Variants in CFAP44 observed in about 807,000 individuals in gnomAD.
CFAP44 encodes the protein cilia- and flagella-associated protein 44.
A neutral mutation model predicts 216.2 loss-of-function variants in CFAP44; 134 were observed. That is an observed-to-expected ratio of 0.62 (90% CI 0.54 to 0.72). CFAP44 has a LOEUF of 0.72. Ranked by LOEUF, CFAP44 falls within the 30% of genes least tolerant of loss-of-function variation. CFAP44 has a pLI of 0.00. For missense variants in CFAP44, 2,035 were observed against 2,182.1 expected (o/e 0.93, Z 1.34); for synonymous variants, 700 against 727.6 (o/e 0.96, Z 0.61).
At chr3:113,416,892 T>A (rs1266127328) in intron 5 of CFAP44, among the ~76,000 whole-genome samples, 1 of 152,198 alleles carries the variant, frequency 6.6e-6, no homozygotes, top group Non-Finnish European at 1.5e-5. Flanking sequence ...GCTAGAACAA[T>A]GGTTCTCTAT....
intron 21 of CFAP44, 23 bp from the exon 22 acceptor site, chr3:113,358,898 A>T (rs771077793): frequency 1.8e-4 from 278 of 1,533,888 alleles, no homozygotes; most frequent in Non-Finnish European, 2.3e-4. Context: ...AGATCTGTTC[A>T]TCAAAATGGG....
chr3:113,380,904 T>A lies in CFAP44; in HGVS notation c.2047A>T (p.Ile683Phe), dbSNP rs776675459. 21 of 1,576,876 alleles carry A rather than the reference T, an allele frequency of 1.3e-5. No homozygotes were observed. In the South Asian group the frequency reaches 2.2e-4, roughly 16 times the overall value. Residue 683 changes from isoleucine (I) to phenylalanine (F), a missense_variant, in exon 16 of 35, where the codon ATT becomes TTT. Physicochemically the swap from Ile to Phe is conservative, Grantham distance 21. Around this residue, in one of 3 missense-constraint regions of CFAP44, gnomAD observed 1,883 missense variants for 2,023.7 expected, o/e 0.93. Coordinates refer to ENST00000393845, the MANE Select transcript of CFAP44 (RefSeq NM_001164496.2). ...GCTTCAGGAATATTCCATACCAGAA[T>A]CTTAGATTTGACACTTGAAAAATGG... Reference protein sequence around the residue: ...CFHFSSVKSKILRLIEIEKRE... With the variant: ...CFHFSSVKSKFLRLIEIEKRE...
At chr3:113,346,131 A>C (rs1383540324) in intron 22 of CFAP44, among the ~76,000 whole-genome samples, 1 of 152,238 alleles carries the variant, frequency 6.6e-6, no homozygotes, top group Non-Finnish European at 1.5e-5. Context: ...TAGCTAAAGG[A>C]TTGTAAATGC....
At chr3:113,410,353 G>A (rs1934427840) in intron 6 of CFAP44, among the ~76,000 whole-genome samples, 3 of 152,010 alleles carry the variant, frequency 2.0e-5, no homozygotes, top group African/African-American at 7.3e-5. Context: ...CTGTGTCCAA[G>A]TGTTCTCATT....
intron 28 of CFAP44, among the ~76,000 whole-genome samples, chr3:113,314,956 CA>C (rs927878165): frequency 1.8e-4 from 28 of 151,796 alleles, no homozygotes; most frequent in Admixed American, 8.5e-4. Context: ...AAAAACACTA[CA>C]AAAAATTAAA....
At chr3:113,330,736 T>G (rs1013736945) in intron 25 of CFAP44, 68 bp from the exon 26 acceptor site, 18 of 1,437,842 alleles carry the variant, frequency 1.3e-5, no homozygotes, top group Non-Finnish European at 1.6e-5. Flanking sequence ...GAATATGATC[T>G]GCTCTTTTCT....
intron 33 of CFAP44, among the ~76,000 whole-genome samples, chr3:113,295,980 G>T (rs1949875958): frequency 6.6e-6 from 1 of 152,108 alleles, no homozygotes; most frequent in Admixed American, 6.6e-5. Context: ...AGTGAGGTTT[G>T]GGTTTCTAGC....
At chr3:113,314,955 AC>A (rs1454590882) in intron 28 of CFAP44, among the ~76,000 whole-genome samples, 1 of 152,164 alleles carries the variant, frequency 6.6e-6, no homozygotes, top group African/African-American at 2.4e-5. Context: ...CAAAAACACT[AC>A]AAAAAATTAA....
At chr3:113,329,191 G>A (rs1039811209) in intron 26 of CFAP44, among the ~76,000 whole-genome samples, 2 of 152,168 alleles carry the variant, frequency 1.3e-5, no homozygotes, top group African/African-American at 4.8e-5. Context: ...AGGAAAATTA[G>A]TGTAAAACAT....
intron 11 of CFAP44, 25 bp downstream of exon 11, chr3:113,401,214 GA>G: frequency 6.4e-7 from 1 of 1,562,412 alleles, no homozygotes; most frequent in Middle Eastern, 1.7e-4. Context: ...AAAGTTAGGA[GA>G]AAATAAGAAT....
rs147638253 is a variant in CFAP44 at position 113,409,744 on chromosome 3, A to T, written c.674-422T>A. On this transcript the variant is annotated intron_variant, in intron 6 of 34. Transcript: ENST00000393845. ...AGATCAGATAGGTGGTTGGCACAAG[A>T]TACAGGTCAAAAGACCCAACTGATA... 8.6e-3 allele frequency among the ~76,000 whole-genome samples: 1,309 copies of T among 152,330 alleles called. 15 individuals are homozygous for T. Among genetic ancestry groups the T allele is most frequent in the African/African-American group, 0.024 (984 of 41,562 alleles).
rs568698052 is a variant in CFAP44, at chr3:113,325,514, A to G, written c.4516+931T>C. Among the ~76,000 whole-genome samples the G allele has an allele frequency of 1.7e-3, 260 of 151,546 alleles. 1 individual carries two copies. Among genetic ancestry groups the G allele is most frequent in the African/African-American group, 6.1e-3 (251 of 41,328 alleles). ...GACTGGAGTGCAGTGGCATGATCTC[A>G]GCTCACTGCCAGCTCCGCCTCCTGG... On this transcript the variant is annotated intron_variant, in intron 28 of 34. Transcript: ENST00000393845.
Position 113,306,202 on chromosome 3 carries a change from T to C in CFAP44, c.4757A>G (p.Lys1586Arg). 6.5e-7 allele frequency: 1 copy of C among 1,535,666 alleles called. No homozygotes were observed. The highest frequency in any genetic ancestry group is 8.7e-7 in the Non-Finnish European group (1 of 1,146,372). ...LKKEYDTLSK[K>R]VKIVATNLNA... is the part of the protein sequence containing the mutation. ...AAATAAGTAAACAGATCACCATACT[T>C]TTTTTGACAATGTATCATATTCCTT... Residue 1586 changes from lysine (K) to arginine (R), a missense_variant and splice_region_variant, in exon 30 of 35, where the codon AAA becomes AGA. Coordinates refer to ENST00000393845, the MANE Select transcript of CFAP44 (RefSeq NM_001164496.2).
rs115560694 is a variant in CFAP44, at chr3:113,389,819, C to T, written c.1890+5931G>A. Reference sequence around the variant, plus strand: ...GACTGAACCATGAAGAAATTCAAAACGTGAACAGACCAATTATGAGTAATG... The same window carrying T: ...GACTGAACCATGAAGAAATTCAAAATGTGAACAGACCAATTATGAGTAATG... On this transcript the variant is annotated intron_variant, in intron 15 of 34. Coordinates refer to ENST00000393845, the MANE Select transcript of CFAP44 (RefSeq NM_001164496.2). Among the ~76,000 whole-genome samples the T allele has an allele frequency of 2.7e-3, 414 of 152,042 alleles. 3 individuals carry two copies. Among genetic ancestry groups the T allele is most frequent in the African/African-American group, 9.2e-3 (380 of 41,484 alleles).
Position 113,341,911 on chromosome 3 carries a change from A to T in CFAP44, c.3270T>A (p.Ser1090Arg). The change falls in exon 24 of 35, where the codon AGT becomes AGA. Residue 1090 changes from serine (S) to arginine (R), a missense_variant. Ser to Arg is a moderately radical substitution (Grantham distance 110). Around this residue, in one of 3 missense-constraint regions of CFAP44, gnomAD observed 1,883 missense variants for 2,023.7 expected, o/e 0.93. Transcript: ENST00000393845. ...TTATTGATTCTTCTTGTATGGTAAC[A>T]CTCCCACCTACATAGAGAATCAACA... ...RKDSQRDAGG[S>R]VTIQEESIIE... 6.6e-7 allele frequency: 1 copy of T among 1,522,498 alleles called. No individual in the cohort carries two copies. Among genetic ancestry groups the T allele is most frequent in the South Asian group, 1.3e-5 (1 of 79,198 alleles). 94.3% of individuals were successfully genotyped at this position (1,522,498 alleles called of 1,614,324 possible). A position where few individuals can be genotyped will look rare whatever the true frequency, so the allele number is the denominator to read the frequency against.
chr3:113,330,039 G>T, intron 26 of CFAP44, 129 bp downstream of exon 26: 1 of 1,148,662 alleles, frequency 8.7e-7, no homozygotes, highest in Non-Finnish European at 1.2e-6. Context: ...ATCACTGAGT[G>T]GTAAGCTGGT....
chr3:113,336,081 T>G (rs1422810763), intron 24 of CFAP44, among the ~76,000 whole-genome samples: 1 of 152,118 alleles, frequency 6.6e-6, no homozygotes, highest in Admixed American at 6.5e-5. Context: ...TAGGAGGAAA[T>G]TTATAGTTTA....
In CFAP44 at chr3:113,379,398, C is replaced by G; in HGVS notation, c.2206G>C (p.Glu736Gln). Residue 736 changes from glutamate (E) to glutamine (Q), a missense_variant, in exon 17 of 35, where the codon GAA becomes CAA. Physicochemically the swap from Glu to Gln is conservative, Grantham distance 29. Transcript: ENST00000393845. ...ATAAATATTTCAGGTAATGGCTCTT[C>G]TTCCTCCTCCTCCTCCTCTTTCTCC... ...EEEKEEEEEE[E>Q]EPLPEIFIPS... is the part of the protein sequence containing the mutation. The G allele has an allele frequency of 6.2e-7, 1 of 1,610,292 alleles. No homozygotes were observed.
chr3:113,414,779 T>C (rs1934597160), intron 6 of CFAP44, among the ~76,000 whole-genome samples: 1 of 152,198 alleles, frequency 6.6e-6, no homozygotes, highest in Non-Finnish European at 1.5e-5. Flanking sequence ...TTATTGAAGA[T>C]TTTTGCATCG....
Sources: gnomAD v4.1 joint callset for allele counts (sites outside exome capture counted in the v4.1 genomes callset) on GRCh38, gnomAD v4.1.1 for gene constraint, gnomAD v4.1.1 regional missense constraint, MANE v1.5 for transcripts, NCBI Gene and HGNC (gene_info 2026-07-23, HGNC 2026-07-21) for gene names.